The following TGFB2 variants were observed in gnomAD, a reference collection of about 807,000 sequenced individuals.
TGFB2 encodes the protein transforming growth factor beta-2 proprotein.
Under a neutral mutation model 42.7 loss-of-function variants are expected in TGFB2, and 13 were observed. The observed-to-expected ratio is 0.30, with a 90% CI of 0.20 to 0.48. The LOEUF (loss-of-function observed/expected upper bound fraction) is 0.48, where lower values mean the gene tolerates loss of function less well. Among genes scored for constraint, TGFB2 ranks in the 20% least tolerant of loss-of-function variants. TGFB2 has a pLI of 0.99. For synonymous variants in TGFB2, 193 were observed against 193.6 expected (o/e 1.00, Z 0.03); for missense variants, 390 against 517.5 (o/e 0.75, Z 2.39).
intron 2 of TGFB2, among the ~76,000 whole-genome samples, chr1:218,417,671 C>G (rs1159863980): frequency 1.3e-5 from 2 of 152,230 alleles, no homozygotes; most frequent in Non-Finnish European, 2.9e-5. Context: ...CCCCTCCCAT[C>G]ATAGGCCTAA....
At chr1:218,395,465 G>A (rs1658474166) in intron 1 of TGFB2, among the ~76,000 whole-genome samples, 1 of 152,110 alleles carries the variant, frequency 6.6e-6, no homozygotes, top group Admixed American at 6.6e-5. Flanking sequence ...GCCTGGCGTG[G>A]TAGTCATACC....
intron 2 of TGFB2, among the ~76,000 whole-genome samples, chr1:218,427,170 T>C (rs1032702429): frequency 6.6e-6 from 1 of 152,166 alleles, no homozygotes; most frequent in Non-Finnish European, 1.5e-5. Context: ...TCAGCAGCAT[T>C]AAGTACATTC....
intron 2 of TGFB2, among the ~76,000 whole-genome samples, chr1:218,418,135 C>T (rs989404351): frequency 1.3e-5 from 2 of 152,150 alleles, no homozygotes; most frequent in Admixed American, 1.3e-4. Flanking sequence ...CAGCTTGCAC[C>T]GTATGCCTGG....
intron 1 of TGFB2, among the ~76,000 whole-genome samples, chr1:218,378,624 G>T (rs1356934446): frequency 1.3e-5 from 2 of 151,812 alleles, no homozygotes; most frequent in Non-Finnish European, 2.9e-5. Flanking sequence ...TGTTCATTTT[G>T]CTGTTGAGAC....
At chr1:218,414,119 G>T (rs1659192328) in intron 2 of TGFB2, among the ~76,000 whole-genome samples, 2 of 152,000 alleles carry the variant, frequency 1.3e-5, no homozygotes, top group Non-Finnish European at 2.9e-5. Flanking sequence ...ACCTTTTAAG[G>T]GATTCTGATG....
chr1:218,379,487 C>CTTTTTTTTTTTTTT, intron 1 of TGFB2, among the ~76,000 whole-genome samples: 1 of 133,404 alleles, frequency 7.5e-6, no homozygotes, highest in Non-Finnish European at 1.6e-5. Flanking sequence ...TTCTTTCTTT[C>CTTTTTTTTTTTTTT]TTTTTTTTTT....
At chr1:218,418,015 C>T (rs1024616226) in intron 2 of TGFB2, among the ~76,000 whole-genome samples, 29 of 152,198 alleles carry the variant, frequency 1.9e-4, no homozygotes, top group African/African-American at 6.8e-4. Context: ...AGTGCAGAAG[C>T]GAAATATGGA....
intron 1 of TGFB2, among the ~76,000 whole-genome samples, chr1:218,381,660 A>G (rs1050105494): frequency 2.0e-5 from 3 of 152,200 alleles, no homozygotes; most frequent in African/African-American, 7.2e-5. Flanking sequence ...ATTAGGCACC[A>G]GTGACAAGAT....
chr1:218,416,795 T>C (rs1273115273), intron 2 of TGFB2, among the ~76,000 whole-genome samples: 1 of 152,190 alleles, frequency 6.6e-6, no homozygotes, highest in Non-Finnish European at 1.5e-5. Context: ...AATTGAATCA[T>C]GGGAGCAAGT....
intron 1 of TGFB2, among the ~76,000 whole-genome samples, chr1:218,358,572 A>G (rs2796824): frequency 0.77 from 109,870 of 143,272 alleles, 42,292 homozygotes; most frequent in African/African-American, 0.84. Flanking sequence ...TTTTTGAGAC[A>G]GAGTCTCGCT....
intron 1 of TGFB2, among the ~76,000 whole-genome samples, chr1:218,375,405 A>G (rs1657707314): frequency 8.0e-6 from 1 of 125,404 alleles, no homozygotes; most frequent in Admixed American, 7.4e-5. Flanking sequence ...ACCCTTTCTG[A>G]ACTTTTTTTT....
rs1388304621 is a variant in TGFB2 at position 218,402,644 on chromosome 1, G to A, written c.347-2525G>A. Among the ~76,000 whole-genome samples, 10 of 152,346 alleles carry A rather than the reference G, an allele frequency of 6.6e-5. No homozygotes were observed. In the East Asian group the frequency reaches 9.6e-4, roughly 15 times the overall value. ...ATGGAAGGATAAGATTGAGGCAGGC[G>A]TGTGTGAAAGATGGGTGTTTGTGAA... On this transcript the variant is annotated intron_variant, in intron 1 of 6. Coordinates refer to ENST00000366930, the MANE Select transcript of TGFB2 (RefSeq NM_003238.6).
chr1:218,369,289 A>T (rs1406050806), intron 1 of TGFB2, among the ~76,000 whole-genome samples: 2 of 130,816 alleles, frequency 1.5e-5, no homozygotes, highest in African/African-American at 3.0e-5. Context: ...AAAAAAAAAA[A>T]AAAATGGTAT....
chr1:218,435,824 T>G, intron 4 of TGFB2, 146 bp from the exon 5 acceptor site: 1 of 774,286 alleles, frequency 1.3e-6, no homozygotes, highest in Non-Finnish European at 2.1e-6. Context: ...CCATATCTAT[T>G]TCCATGGGGA....
At chr1:218,388,186 A>G (rs1331439097) in intron 1 of TGFB2, among the ~76,000 whole-genome samples, 1 of 152,196 alleles carries the variant, frequency 6.6e-6, no homozygotes, top group Non-Finnish European at 1.5e-5. Flanking sequence ...GGTAATGTGC[A>G]GTTAGTTGTT....
At chr1:218,391,313 G>C (rs1307044679) in intron 1 of TGFB2, among the ~76,000 whole-genome samples, 1 of 152,178 alleles carries the variant, frequency 6.6e-6, no homozygotes, top group African/African-American at 2.4e-5. Context: ...TGTGGTGGTA[G>C]TGTGTGCCTG....
chr1:218,409,535 A>G (rs1436341394), intron 2 of TGFB2, among the ~76,000 whole-genome samples: 4 of 152,148 alleles, frequency 2.6e-5, no homozygotes, highest in African/African-American at 4.8e-5. Context: ...CTCTAGTCCT[A>G]TTACAGGAAT....
At chr1:218,354,381 TC>T (rs1379974162) in intron 1 of TGFB2, among the ~76,000 whole-genome samples, 2 of 152,220 alleles carry the variant, frequency 1.3e-5, no homozygotes, top group Non-Finnish European at 2.9e-5. Flanking sequence ...ATTTTCTGTT[TC>T]CAATTCTCAG....
At chr1:218,405,801 C>A (rs1658893245) in intron 2 of TGFB2, among the ~76,000 whole-genome samples, 1 of 152,160 alleles carries the variant, frequency 6.6e-6, no homozygotes, top group Admixed American at 6.5e-5. Context: ...TTTACTATTA[C>A]TGTTCTAGTA....
Sources: gnomAD v4.1 joint callset for allele counts (sites outside exome capture counted in the v4.1 genomes callset) on GRCh38, gnomAD v4.1.1 for gene constraint, MANE v1.5 for transcripts, NCBI Gene and HGNC (gene_info 2026-07-23, HGNC 2026-07-21) for gene names.